The following RILPL1 variants were observed in gnomAD, a reference collection of about 807,000 sequenced individuals.
The protein encoded by RILPL1 is RILP-like protein 1.
In RILPL1, 33 loss-of-function variants were observed where a neutral mutation model predicts 50.3. That is an observed-to-expected ratio of 0.66 (90% CI 0.50 to 0.88). The LOEUF (loss-of-function observed/expected upper bound fraction) is 0.88. Among genes scored for constraint, RILPL1 ranks in the 40% least tolerant of loss-of-function variants. The pLI, the probability that RILPL1 is intolerant of heterozygous loss-of-function variation, is 0.00. For synonymous variants in RILPL1, 205 were observed against 228.6 expected (o/e 0.90, Z 0.93); for missense variants, 418 against 542.5 (o/e 0.77, Z 2.28).
chr12:123,482,620 CTTT>C (rs1203812533), intron 6 of RILPL1, among the ~76,000 whole-genome samples: 5 of 139,912 alleles, frequency 3.6e-5, no homozygotes, highest in Non-Finnish European at 4.7e-5. Context: ...CTCTCTCTCT[CTTT>C]TTTTTTTTTT....
rs1389079769 is a variant in RILPL1, at chr12:123,491,357, G to T, written c.802-5552C>A. 1.3e-5 allele frequency among the ~76,000 whole-genome samples: 2 copies of T among 152,198 alleles called. No individual in the cohort carries two copies. Among genetic ancestry groups the T allele is most frequent in the Non-Finnish European group, 2.9e-5 (2 of 68,044 alleles). On this transcript the variant is annotated intron_variant, in intron 4 of 6. Transcript: ENST00000376874. This position sits in a 1 kb window ranked among gnomAD's most constrained non-coding sequence, Gnocchi z 4.0. ...CACAGCTTCAGAGCGATACCCTGAG[G>T]CCTCAGCTGCTTCCCAGGAAGGCCC...
chr12:123,475,992 C>T (rs1881569091), intron 6 of RILPL1: 1 of 421,220 alleles, frequency 2.4e-6, no homozygotes, highest in Admixed American at 3.6e-5. Context: ...CAACCTCCTC[C>T]TCCCGGGTTC....
At chr12:123,493,347 G>A (rs1006496793) in intron 4 of RILPL1, among the ~76,000 whole-genome samples, 3 of 152,142 alleles carry the variant, frequency 2.0e-5, no homozygotes, top group African/African-American at 7.2e-5. Context: ...CCCCACTATT[G>A]TCTTGTGACC....
chr12:123,530,635 A>G (rs1885412746), intron 1 of RILPL1, among the ~76,000 whole-genome samples: 1 of 152,258 alleles, frequency 6.6e-6, no homozygotes, highest in South Asian at 2.1e-4. Flanking sequence ...CAGTAAATAT[A>G]TTCGCTGAAT....
Position 123,491,736 on chromosome 12 carries a change from G to A in RILPL1, c.802-5931C>T, listed in dbSNP as rs762328739. Among the ~76,000 whole-genome samples the A allele has an allele frequency of 2.6e-5, 4 of 152,164 alleles. No homozygotes were observed. Among genetic ancestry groups the A allele is most frequent in the African/African-American group, 4.8e-5 (2 of 41,432 alleles). ...ACGAAATCAAAACGTGTGGCTGGGCGCGGTGGCTCACACCTGTAATCCCAG... is the reference window on the plus strand; with the variant it reads ...ACGAAATCAAAACGTGTGGCTGGGCACGGTGGCTCACACCTGTAATCCCAG... On this transcript the variant is annotated intron_variant, in intron 4 of 6. Transcript: ENST00000376874. The surrounding 1 kb of genome is among the most constrained non-coding windows in gnomAD (Gnocchi z 4.0).
chr12:123,475,481 T>C (rs1186809802), intron 6 of RILPL1: 1 of 591,334 alleles, frequency 1.7e-6, no homozygotes, highest in Non-Finnish European at 3.0e-6. Context: ...TTCGCTCGAG[T>C]AGACCGAGCG....
At chr12:123,478,970 C>G (rs530161806) in intron 6 of RILPL1, among the ~76,000 whole-genome samples, 8 of 152,314 alleles carry the variant, frequency 5.3e-5, no homozygotes, top group African/African-American at 1.4e-4. Context: ...ATCTTCCGGG[C>G]ACACTGTTTT....
In RILPL1 at chr12:123,485,170, G is replaced by C; in HGVS notation, c.974+463C>G. 2.2e-6 allele frequency: 1 copy of C among 456,486 alleles called. No homozygotes were observed. The highest frequency in any genetic ancestry group is 4.4e-6 in the Non-Finnish European group (1 of 227,158). 28.3% of individuals were successfully genotyped at this position (456,486 alleles called of 1,614,324 possible). A position where few individuals can be genotyped will look rare whatever the true frequency, so the allele number is the denominator to read the frequency against. On this transcript the variant is annotated intron_variant, in intron 5 of 6. Coordinates refer to ENST00000376874, the MANE Select transcript of RILPL1 (RefSeq NM_178314.5). The surrounding 1 kb of genome is among the most constrained non-coding windows in gnomAD (Gnocchi z 4.0). ...TCTAAGTGCTGGGAACTTAGCCATG[G>C]ACAAGATAAATAAGACTTCTGGTCT... is the stretch of plus-strand genomic sequence containing the variant.
At chr12:123,507,948 A>T (rs1238735328) in intron 2 of RILPL1, among the ~76,000 whole-genome samples, 1 of 50,208 alleles carries the variant, frequency 2.0e-5, no homozygotes, top group Non-Finnish European at 3.7e-5. Flanking sequence ...TCTCAAAAAA[A>T]AAAAGAAAAA....
intron 2 of RILPL1, among the ~76,000 whole-genome samples, chr12:123,514,810 T>C (rs533839033): frequency 7.9e-5 from 12 of 152,292 alleles, no homozygotes; most frequent in Middle Eastern, 3.4e-3. Flanking sequence ...ATATACTACA[T>C]GCTACTGAAT....
In RILPL1 at chr12:123,523,417, T is replaced by C. The variant is rs549230484; in HGVS notation, c.460+78A>G. The C allele has an allele frequency of 2.8e-5, 43 of 1,536,092 alleles. No homozygotes were observed. In the African/African-American group the frequency reaches 5.0e-4, roughly 18 times the overall value. ...CCAGCACCGCATCAGCGTCCAGGGG[T>C]GGTGGCGACAATCGCTGATGTGGGC... On this transcript the variant is annotated intron_variant, in intron 2 of 6. Transcript: ENST00000376874.
chr12:123,523,484 C>A lies in RILPL1; in HGVS notation c.460+11G>T, dbSNP rs757351863. 2.2e-5 allele frequency: 36 copies of A among 1,613,744 alleles called. No individual in the cohort carries two copies. Among genetic ancestry groups the A allele is most frequent in the Non-Finnish European group, 3.1e-5 (36 of 1,179,714 alleles). ...GCCGGCCCCCTTGCATTGGCGCCGACCCCCACTTACCTTCATGCTTCTGGA... is the reference window on the plus strand; with the variant it reads ...GCCGGCCCCCTTGCATTGGCGCCGAACCCCACTTACCTTCATGCTTCTGGA... On this transcript the variant is annotated intron_variant, in intron 2 of 6. Transcript: ENST00000376874.
At chr12:123,500,689 T>C (rs1883325222) in intron 2 of RILPL1, among the ~76,000 whole-genome samples, 1 of 152,158 alleles carries the variant, frequency 6.6e-6, no homozygotes, top group African/African-American at 2.4e-5. Context: ...GGTTTGGAGC[T>C]AGCCTCTTTA....
At chr12:123,503,482 C>A (rs1883537585) in intron 2 of RILPL1, among the ~76,000 whole-genome samples, 1 of 151,966 alleles carries the variant, frequency 6.6e-6, no homozygotes, top group African/African-American at 2.4e-5. Context: ...ATTATATAGG[C>A]ATGAGCCACC....
intron 1 of RILPL1, among the ~76,000 whole-genome samples, chr12:123,526,245 G>A (rs1885252269): frequency 6.6e-6 from 1 of 152,074 alleles, no homozygotes; most frequent in East Asian, 1.9e-4. Flanking sequence ...GGCAGAGGCT[G>A]TAGTGAGCCG....
At chr12:123,515,120 C>T (rs572639020) in intron 2 of RILPL1, among the ~76,000 whole-genome samples, 101 of 151,696 alleles carry the variant, frequency 6.7e-4, no homozygotes, top group South Asian at 1.9e-3. Context: ...TTTGTAGAGA[C>T]AGGGTCTCAC....
intron 2 of RILPL1, chr12:123,519,752 G>C (rs1400640021): frequency 1.3e-5 from 2 of 152,250 alleles, no homozygotes; most frequent in Admixed American, 6.5e-5. Context: ...GGCATGCCTG[G>C]CATCTGCCCC....
Position 123,513,189 on chromosome 12 carries a change from ATGTG to A in RILPL1, c.460+10302_460+10305del, listed in dbSNP as rs559506468. Among the ~76,000 whole-genome samples, 426 of 150,084 alleles carry A rather than the reference ATGTG, an allele frequency of 2.8e-3. 4 individuals are homozygous for A. Among genetic ancestry groups the A allele is most frequent in the African/African-American group, 9.4e-3 (385 of 40,784 alleles). ...GTGTGTGGCGTGTGTGAGTGGGTGT[ATGTG>A]TGTGTCTGTGTGGGTGTTGTATGTG... On this transcript the variant is annotated intron_variant, in intron 2 of 6. Coordinates refer to ENST00000376874, the MANE Select transcript of RILPL1 (RefSeq NM_178314.5).
intron 2 of RILPL1, among the ~76,000 whole-genome samples, chr12:123,507,564 C>CAAA (rs34340975): frequency 0.085 from 11,410 of 134,320 alleles, 1,148 homozygotes; most frequent in African/African-American, 0.24. Context: ...GATACTGTCT[C>CAAA]AAAAAAAAAA....
Sources: allele counts gnomAD v4.1 joint callset (sites outside exome capture counted in the v4.1 genomes callset), GRCh38; gene constraint gnomAD v4.1.1; non-coding constraint Gnocchi (gnomAD v3.1); transcripts MANE v1.5; gene names NCBI Gene and HGNC (gene_info 2026-07-23, HGNC 2026-07-21).